RBM47: variants seen among roughly 807,000 people sequenced by gnomAD.
RBM47 encodes RNA binding motif protein 47, also known as RNA-binding protein 47.
A neutral mutation model predicts 47.1 loss-of-function variants in RBM47; 21 were observed. That is an observed-to-expected ratio of 0.45 (90% CI 0.32 to 0.64). The LOEUF is 0.64. Among genes scored for constraint, RBM47 ranks in the 30% least tolerant of loss-of-function variants. RBM47 has a pLI of 0.05. For synonymous variants in RBM47, 375 were observed against 361.7 expected (o/e 1.04, Z -0.42); for missense variants, 708 against 870.9 (o/e 0.81, Z 2.35).
intron 3 of RBM47, among the ~76,000 whole-genome samples, chr4:40,466,317 G>C (rs1718022620): frequency 1.3e-5 from 2 of 150,196 alleles, no homozygotes; most frequent in South Asian, 4.2e-4. Context: ...CCTCTTTTTT[G>C]GGAGGTTAAG....
chr4:40,549,113 G>GGTT (rs983088581), intron 1 of RBM47, among the ~76,000 whole-genome samples: 3 of 142,576 alleles, frequency 2.1e-5, no homozygotes, highest in African/African-American at 9.1e-5. Flanking sequence ...TTTTTTTGGG[G>GGTT]GGGGGGACAC....
At chr4:40,471,909 A>G (rs569668388) in intron 2 of RBM47, among the ~76,000 whole-genome samples, 3 of 152,124 alleles carry the variant, frequency 2.0e-5, no homozygotes, top group African/African-American at 7.2e-5. Flanking sequence ...GCCAGCTTGC[A>G]CTCATCCCGA....
rs185994095 is a variant in RBM47, at chr4:40,438,348, G to A, written c.546C>T (p.Ile182=). The change falls in exon 4 of 7, where the codon ATC becomes ATT. Residue 182 remains isoleucine (I), a synonymous_variant. Coordinates refer to ENST00000295971, the MANE Select transcript of RBM47 (RefSeq NM_001098634.2). Reference sequence around the variant, plus strand: ...TCTTGTCGGCCGCGCTGGCGTAGACGATCACGTCCAGCACGCCCTCGGTGA... The same window carrying A: ...TCTTGTCGGCCGCGCTGGCGTAGACAATCACGTCCAGCACGCCCTCGGTGA... ...AKVTEGVLDV[I]VYASAADKMK... is the part of the protein sequence containing the mutation. The A allele has an allele frequency of 3.3e-4, 536 of 1,611,070 alleles. 3 individuals carry two copies. The East Asian group carries it at 0.011, about 32-fold the overall frequency.
Position 40,438,482 on chromosome 4 carries a change from G to C in RBM47, c.412C>G (p.Pro138Ala). 6.2e-7 allele frequency: 1 copy of C among 1,613,494 alleles called. No individual in the cohort carries two copies. Among genetic ancestry groups the C allele is most frequent in the Admixed American group, 1.7e-5 (1 of 60,020 alleles). Residue 138 changes from proline (P) to alanine (A), a missense_variant, in exon 4 of 7, where the codon CCG becomes GCG. Pro to Ala is a conservative substitution (Grantham distance 27). Transcript: ENST00000295971. ...VRELNNYEIRPGRLLGVCCSV... is the reference protein window; with the variant it reads ...VRELNNYEIRAGRLLGVCCSV... ...CAGCACACGCCGAGCAGGCGGCCCG[G>C]GCGGATCTCGTAGTTGTTGAGCTCA...
chr4:40,437,091 ATATATATATAT>A lies in RBM47; in HGVS notation c.1124-455_1124-445del, dbSNP rs1291524015. ...CCTGTCTCAAAAAAAAAAAAAAAAA[ATATATATATAT>A]ATATATATAAAATACATATATATAT... On this transcript the variant is annotated intron_variant, in intron 4 of 6. Coordinates refer to ENST00000295971, the MANE Select transcript of RBM47 (RefSeq NM_001098634.2). Among the ~76,000 whole-genome samples the A allele has an allele frequency of 9.2e-5, 3 of 32,500 alleles. 1 individual carries two copies. The highest frequency in any genetic ancestry group is 4.9e-4 in the African/African-American group (3 of 6,116). 21.3% of individuals were successfully genotyped at this position (32,500 alleles called of 152,430 possible).
chr4:40,469,880 T>G (rs1251399247), intron 2 of RBM47, among the ~76,000 whole-genome samples: 1 of 150,904 alleles, frequency 6.6e-6, no homozygotes, highest in African/African-American at 2.4e-5. Flanking sequence ...AGCGATCTGC[T>G]GGCCTCGGCC....
intron 1 of RBM47, among the ~76,000 whole-genome samples, chr4:40,557,331 T>G (rs1251497627): frequency 2.2e-4 from 33 of 152,204 alleles, no homozygotes; most frequent in Admixed American, 2.2e-3. Flanking sequence ...CTGGCTTTCT[T>G]TGTTCACTGA....
chr4:40,430,249 C>CA (rs11366159), intron 6 of RBM47, among the ~76,000 whole-genome samples: 47 of 150,362 alleles, frequency 3.1e-4, no homozygotes, highest in African/African-American at 4.6e-4. Flanking sequence ...CAAAAACAAA[C>CA]AAAAAAAAAA....
intron 2 of RBM47, 77 bp from the exon 3 acceptor site, chr4:40,466,776 G>T (rs1044033902): frequency 1.8e-5 from 2 of 112,964 alleles, no homozygotes; most frequent in Non-Finnish European, 3.5e-5. Flanking sequence ...GAAATTGGGG[G>T]GGGGGGGGCA....
intron 1 of RBM47, among the ~76,000 whole-genome samples, chr4:40,593,966 C>T (rs1734519631): frequency 1.3e-5 from 2 of 151,070 alleles, no homozygotes; most frequent in African/African-American, 4.9e-5. Context: ...GCAGGAGAAT[C>T]GATTGAACCC....
rs1240356518 is a variant in RBM47, at chr4:40,583,867, AAAACAAAAAACAAAAAAC to A, written c.-239-39379_-239-39362del. ...AGCGAGACTCCGTCTCAAAAAAAAA[AAAACAAAAAACAAAAAAC>A]AAAAAAACCAAAAAGCAGAATGATT... On this transcript the variant is annotated intron_variant, in intron 1 of 6. Coordinates refer to ENST00000295971, the MANE Select transcript of RBM47 (RefSeq NM_001098634.2). 4.9e-4 allele frequency among the ~76,000 whole-genome samples: 57 copies of A among 116,462 alleles called. 5 individuals are homozygous for A. Among genetic ancestry groups the A allele is most frequent in the Non-Finnish European group, 6.4e-4 (35 of 54,504 alleles). The allele number at this position is 116,462 out of a possible 152,430, so 76.4% of individuals were successfully genotyped here.
At chr4:40,599,810 C>T (rs925305076) in intron 1 of RBM47, among the ~76,000 whole-genome samples, 2 of 151,776 alleles carry the variant, frequency 1.3e-5, no homozygotes, top group Non-Finnish European at 2.9e-5. Flanking sequence ...AGGTAATGCA[C>T]ATGTAGCAGA....
At chr4:40,605,111 C>G (rs1305189484) in intron 1 of RBM47, among the ~76,000 whole-genome samples, 1 of 152,056 alleles carries the variant, frequency 6.6e-6, no homozygotes, top group Non-Finnish European at 1.5e-5. Context: ...CAACCTCCGC[C>G]TCCCAGGTTT....
intron 2 of RBM47, among the ~76,000 whole-genome samples, chr4:40,511,795 C>T (rs60904126): frequency 0.022 from 3,409 of 151,856 alleles, 109 homozygotes; most frequent in African/African-American, 0.068. Flanking sequence ...ATTAGCCGGG[C>T]GTGGTGGCAG....
Position 40,581,434 on chromosome 4 carries a change from T to TAACAAATAAATA in RBM47, c.-239-36929_-239-36928insTATTTATTTGTT, listed in dbSNP as rs1553904669. Among the ~76,000 whole-genome samples, 351 of 139,042 alleles carry TAACAAATAAATA rather than the reference T, an allele frequency of 2.5e-3. 3 individuals carry two copies. Among genetic ancestry groups the TAACAAATAAATA allele is most frequent in the Non-Finnish European group, 2.8e-3 (182 of 65,414 alleles). 91.2% of individuals were successfully genotyped at this position (139,042 alleles called of 152,430 possible). A position where few individuals can be genotyped will look rare whatever the true frequency, so the allele number is the denominator to read the frequency against. ...AGAACTTGTCTCAAAAAAAAAGTAATAATAAATAAATAAATAAATAAATAA... is the reference window on the plus strand; with the variant it reads ...AGAACTTGTCTCAAAAAAAAAGTAATAACAAATAAATAAATAAATAAATAAATAAATAAATAA... On this transcript the variant is annotated intron_variant, in intron 1 of 6. Coordinates refer to ENST00000295971, the MANE Select transcript of RBM47 (RefSeq NM_001098634.2).
intron 2 of RBM47, among the ~76,000 whole-genome samples, chr4:40,478,141 G>A (rs1475401228): frequency 2.7e-5 from 4 of 148,452 alleles, no homozygotes; most frequent in South Asian, 2.1e-4. Context: ...TCAGCCTCCC[G>A]AGTAGCTGGG....
At chr4:40,490,742 T>C (rs372849276) in intron 2 of RBM47, among the ~76,000 whole-genome samples, 10 of 150,904 alleles carry the variant, frequency 6.6e-5, no homozygotes, top group African/African-American at 2.4e-4. Flanking sequence ...TGAGACTCTG[T>C]CTCAAAAAAA....
intron 1 of RBM47, among the ~76,000 whole-genome samples, chr4:40,595,651 G>A (rs1488877176): frequency 1.3e-5 from 2 of 152,154 alleles, no homozygotes; most frequent in Admixed American, 1.3e-4. Flanking sequence ...ACTTTGGGAG[G>A]CTGAGAAAGG....
chr4:40,481,361 C>G (rs1005342147), intron 2 of RBM47, among the ~76,000 whole-genome samples: 8 of 150,188 alleles, frequency 5.3e-5, no homozygotes, highest in African/African-American at 1.9e-4. Flanking sequence ...TAACATCTGC[C>G]TCCCAGGTTC....
Sources: allele counts gnomAD v4.1 joint callset (sites outside exome capture counted in the v4.1 genomes callset), GRCh38; gene constraint gnomAD v4.1.1; transcripts MANE v1.5; gene names NCBI Gene and HGNC (gene_info 2026-07-23, HGNC 2026-07-21).